Variants in KCNJ3 observed in about 807,000 individuals in gnomAD.
The protein encoded by KCNJ3 is G protein-activated inward rectifier potassium channel 1.
In KCNJ3, 4 loss-of-function variants were observed where a neutral mutation model predicts 39.2. The ratio of observed to expected loss-of-function variants is 0.10; its 90% CI spans 0.05 to 0.23. The LOEUF is 0.23. Among genes scored for constraint, KCNJ3 ranks in the 10% least tolerant of loss-of-function variants. KCNJ3 has a pLI of 1.00. For synonymous variants in KCNJ3, 230 were observed against 237.4 expected, an observed-to-expected ratio of 0.97 and a Z score of 0.29; for missense variants, 276 against 634.9, an observed-to-expected ratio of 0.43 and a Z score of 6.08.
chr2:154,766,394 G>C (rs561891081), intron 2 of KCNJ3, among the ~76,000 whole-genome samples: 1 of 152,186 alleles, frequency 6.6e-6, no homozygotes, highest in East Asian at 1.9e-4. Context: ...ACTTAGGAAA[G>C]ATAAAGGTTG....
chr2:154,825,122 T>C (rs879307851), intron 2 of KCNJ3, among the ~76,000 whole-genome samples: 14 of 152,168 alleles, frequency 9.2e-5, no homozygotes, highest in Non-Finnish European at 1.8e-4. Flanking sequence ...GGCTTCCCTT[T>C]TGGGCATGCT....
chr2:154,768,242 T>G (rs1444744320), intron 2 of KCNJ3, among the ~76,000 whole-genome samples: 1 of 152,246 alleles, frequency 6.6e-6, no homozygotes, highest in Non-Finnish European at 1.5e-5. Flanking sequence ...TTTGGCATTT[T>G]AGTCATGAAG....
chr2:154,812,989 G>A (rs1045062892), intron 2 of KCNJ3, among the ~76,000 whole-genome samples: 5 of 152,054 alleles, frequency 3.3e-5, no homozygotes, highest in Non-Finnish European at 7.4e-5. Context: ...ACTAATACAG[G>A]CAGTATCCAC....
chr2:154,717,625 A>T (rs1471546954), intron 2 of KCNJ3, among the ~76,000 whole-genome samples: 1 of 152,162 alleles, frequency 6.6e-6, no homozygotes. Context: ...AATCCAAGAC[A>T]CCCAAATACA....
intron 2 of KCNJ3, among the ~76,000 whole-genome samples, chr2:154,852,895 C>T (rs920706925): frequency 6.6e-6 from 1 of 151,722 alleles, no homozygotes; most frequent in African/African-American, 2.4e-5. Flanking sequence ...CAGATTTGCA[C>T]CATTACAGAG....
chr2:154,722,422 A>T (rs992243721), intron 2 of KCNJ3, among the ~76,000 whole-genome samples: 3 of 152,160 alleles, frequency 2.0e-5, no homozygotes, highest in African/African-American at 7.2e-5. Flanking sequence ...TTGGCAAAGA[A>T]GGGGGAAAAG....
At chr2:154,743,636 A>G (rs1685689060) in intron 2 of KCNJ3, among the ~76,000 whole-genome samples, 1 of 151,348 alleles carries the variant, frequency 6.6e-6, no homozygotes, top group African/African-American at 2.4e-5. Context: ...CATTCATTGC[A>G]AGTGTATAGA....
chr2:154,771,021 G>A (rs1254368794), intron 2 of KCNJ3, among the ~76,000 whole-genome samples: 1 of 151,106 alleles, frequency 6.6e-6, no homozygotes, highest in African/African-American at 2.4e-5. Context: ...CTCCCCAGTA[G>A]CGGGATTACA....
At chr2:154,814,131 A>G (rs1423384619) in intron 2 of KCNJ3, among the ~76,000 whole-genome samples, 1 of 152,164 alleles carries the variant, frequency 6.6e-6, no homozygotes, top group African/African-American at 2.4e-5. Context: ...CTTAACATAC[A>G]TTTTTAAAGG....
chr2:154,725,456 T>G (rs1470340865), intron 2 of KCNJ3, among the ~76,000 whole-genome samples: 4 of 152,072 alleles, frequency 2.6e-5, no homozygotes, highest in African/African-American at 9.7e-5. Flanking sequence ...TGTGTCATTT[T>G]GTCTTCCATT....
chr2:154,851,747 A>G (rs749547048), intron 2 of KCNJ3, among the ~76,000 whole-genome samples: 4 of 152,222 alleles, frequency 2.6e-5, no homozygotes, highest in Non-Finnish European at 5.9e-5. Context: ...AACAATGATT[A>G]CAAGTATTTT....
chr2:154,833,365 A>AAAT (rs1239396346), intron 2 of KCNJ3, among the ~76,000 whole-genome samples: 15 of 152,220 alleles, frequency 9.9e-5, no homozygotes, highest in Non-Finnish European at 1.9e-4. Flanking sequence ...TTAAACTTTA[A>AAAT]AATTTTCCAA....
chr2:154,811,597 T>G (rs1368631876), intron 2 of KCNJ3, among the ~76,000 whole-genome samples: 1 of 152,128 alleles, frequency 6.6e-6, no homozygotes, highest in African/African-American at 2.4e-5. Context: ...CGGCCCAATC[T>G]ATCACTTTCT....
chr2:154,716,160 G>A (rs1685175466), intron 2 of KCNJ3, among the ~76,000 whole-genome samples: 1 of 151,504 alleles, frequency 6.6e-6, no homozygotes, highest in African/African-American at 2.4e-5. Flanking sequence ...GCAGTGGTGC[G>A]ATCTCGGCTC....
intron 2 of KCNJ3, among the ~76,000 whole-genome samples, chr2:154,723,786 A>T (rs1391644346): frequency 6.6e-6 from 1 of 152,198 alleles, no homozygotes; most frequent in East Asian, 1.9e-4. Context: ...TTTTACAACT[A>T]AAAATACAAA....
At chr2:154,704,627 T>A (rs1165568367) in intron 1 of KCNJ3, among the ~76,000 whole-genome samples, 1 of 152,116 alleles carries the variant, frequency 6.6e-6, no homozygotes, top group African/African-American at 2.4e-5. Flanking sequence ...GGAGTCCAAA[T>A]AAATGTACAA....
intron 2 of KCNJ3, among the ~76,000 whole-genome samples, chr2:154,813,417 A>G (rs868864827): frequency 3.9e-5 from 6 of 152,196 alleles, no homozygotes; most frequent in Admixed American, 2.0e-4. Flanking sequence ...GCCCTGGATC[A>G]AAGTGGCCTT....
intron 2 of KCNJ3, among the ~76,000 whole-genome samples, chr2:154,825,399 G>T (rs1687252697): frequency 6.6e-6 from 1 of 152,074 alleles, no homozygotes; most frequent in Admixed American, 6.6e-5. Flanking sequence ...TATCTTCAGT[G>T]CCTAGTACAA....
At chr2:154,713,517 T>C (rs1574431338) in intron 2 of KCNJ3, among the ~76,000 whole-genome samples, 2 of 152,182 alleles carry the variant, frequency 1.3e-5, no homozygotes, top group African/African-American at 4.8e-5. Flanking sequence ...ATTAGCTTCC[T>C]AATTTTCTTG....
Sources: allele counts gnomAD v4.1 joint callset (sites outside exome capture counted in the v4.1 genomes callset), GRCh38; gene constraint gnomAD v4.1.1; transcripts MANE v1.5; gene names NCBI Gene and HGNC (gene_info 2026-07-23, HGNC 2026-07-21).